Variants in CADPS2 observed in about 807,000 individuals in gnomAD.
CADPS2 encodes the protein calcium dependent secretion activator 2, also known as calcium-dependent secretion activator 2.
A neutral mutation model predicts 172.5 loss-of-function variants in CADPS2; 93 were observed. The observed-to-expected ratio is 0.54, with a 90% confidence interval of 0.46 to 0.64. The LOEUF (loss-of-function observed/expected upper bound fraction) is 0.64, where lower values mean the gene tolerates loss of function less well. CADPS2 is among the 30% of genes least tolerant of loss of function. The pLI is 0.00. For synonymous variants in CADPS2, 546 were observed against 555.2 expected, an observed-to-expected ratio of 0.98 and a Z score of 0.23; for missense variants, 1,420 against 1,565.9, an observed-to-expected ratio of 0.91 and a Z score of 1.57.
chr7:122,723,744 C>T (rs928875609), intron 2 of CADPS2, among the ~76,000 whole-genome samples: 6 of 152,118 alleles, frequency 3.9e-5, no homozygotes, highest in Non-Finnish European at 8.8e-5. Flanking sequence ...TTTATTGTGG[C>T]ACCATTCACA....
chr7:122,615,415 T>G (rs1343917158), intron 5 of CADPS2, 116 bp from the exon 6 acceptor site: 2 of 534,750 alleles, frequency 3.7e-6, no homozygotes, highest in Admixed American at 3.6e-5. Flanking sequence ...AAAATTTGTT[T>G]TTTGTTAACA....
At chr7:122,723,509 A>C (rs2090723634) in intron 2 of CADPS2, among the ~76,000 whole-genome samples, 1 of 152,214 alleles carries the variant, frequency 6.6e-6, no homozygotes, top group African/African-American at 2.4e-5. Flanking sequence ...AATGGCAATC[A>C]TTAAAAAGTC....
At chr7:122,425,011 G>T (rs2048975074) in intron 17 of CADPS2, among the ~76,000 whole-genome samples, 1 of 151,952 alleles carries the variant, frequency 6.6e-6, no homozygotes, top group Non-Finnish European at 1.5e-5. Context: ...ACAGGGTCTT[G>T]CTCTGTCACC....
intron 15 of CADPS2, among the ~76,000 whole-genome samples, chr7:122,447,619 T>C (rs2052457396): frequency 7.1e-6 from 1 of 141,376 alleles, no homozygotes; most frequent in Non-Finnish European, 1.5e-5. Flanking sequence ...AGTCAGGCGA[T>C]CTCGGCTCAC....
chr7:122,654,329 T>C (rs937765044), intron 3 of CADPS2, among the ~76,000 whole-genome samples: 8 of 152,234 alleles, frequency 5.3e-5, no homozygotes, highest in Non-Finnish European at 1.2e-4. Flanking sequence ...AACAGCTTTG[T>C]GTCAGAAGAT....
intron 1 of CADPS2, among the ~76,000 whole-genome samples, chr7:122,782,763 G>A (rs1793073397): frequency 6.6e-6 from 1 of 152,088 alleles, no homozygotes; most frequent in Non-Finnish European, 1.5e-5. Flanking sequence ...TGGATTTTCT[G>A]TTTTAGTCAC....
chr7:122,504,672 T>A (rs56287248), intron 9 of CADPS2, among the ~76,000 whole-genome samples: 41,356 of 151,948 alleles, frequency 0.27, 5,911 homozygotes, highest in East Asian at 0.38. Context: ...TCTCAAGTGA[T>A]CCTCCCACCT....
At chr7:122,324,566 G>A (rs1368871428) in intron 29 of CADPS2, among the ~76,000 whole-genome samples, 2 of 152,104 alleles carry the variant, frequency 1.3e-5, no homozygotes, top group Non-Finnish European at 2.9e-5. Flanking sequence ...GATGATGATA[G>A]TGGTAGGTGA....
intron 25 of CADPS2, among the ~76,000 whole-genome samples, chr7:122,373,118 CTT>C (rs748264145): frequency 2.5e-4 from 38 of 152,146 alleles, no homozygotes; most frequent in Non-Finnish European, 4.1e-4. Flanking sequence ...CTTCATAACT[CTT>C]TTAAAAAAGT....
intron 3 of CADPS2, among the ~76,000 whole-genome samples, chr7:122,653,132 C>T (rs73435768): frequency 1.9e-3 from 296 of 152,248 alleles, no homozygotes; most frequent in African/African-American, 6.5e-3. Flanking sequence ...TCTTGAGTTG[C>T]CAGAGATTGC....
At chr7:122,438,931 G>GA (rs5887090) in intron 16 of CADPS2, among the ~76,000 whole-genome samples, 30 of 146,730 alleles carry the variant, frequency 2.0e-4, no homozygotes, top group African/African-American at 3.0e-4. Flanking sequence ...TTTGAGCTCT[G>GA]AAAAAAAAAA....
Position 122,487,970 on chromosome 7 carries a change from T to A in CADPS2, c.1852+2111A>T, listed in dbSNP as rs116202316. On this transcript the variant is annotated intron_variant, in intron 11 of 29. Coordinates refer to ENST00000449022, the MANE Select transcript of CADPS2 (RefSeq NM_017954.11). ...ATATGACAAAGAATACAAAACCATTTATGAGATTGACGCTAAATGCACACA... is the reference window on the plus strand; with the variant it reads ...ATATGACAAAGAATACAAAACCATTAATGAGATTGACGCTAAATGCACACA... Among the ~76,000 whole-genome samples, 1,518 of 152,278 alleles carry A rather than the reference T, an allele frequency of 1.0e-2. 21 individuals carry two copies. The highest frequency in any genetic ancestry group is 0.035 in the African/African-American group (1,440 of 41,546).
intron 19 of CADPS2, among the ~76,000 whole-genome samples, chr7:122,408,846 T>G (rs2046978802): frequency 6.6e-6 from 1 of 152,224 alleles, no homozygotes; most frequent in Non-Finnish European, 1.5e-5. Flanking sequence ...GTTTCACATT[T>G]ATAGTAAATA....
intron 17 of CADPS2, chr7:122,436,308 T>C (rs1204993250): frequency 1.6e-5 from 18 of 1,130,642 alleles, no homozygotes; most frequent in Non-Finnish European, 2.0e-5. Flanking sequence ...TTTAAAAATA[T>C]CACACCACCA....
At position 122,562,103 on chromosome 7, in the gene CADPS2, T is replaced by C. The variant is rs117695732; in HGVS notation, c.1336-7414A>G. 3.5e-3 allele frequency among the ~76,000 whole-genome samples: 538 copies of C among 152,320 alleles called. 3 individuals are homozygous for C. The highest frequency in any genetic ancestry group is 5.9e-3 in the Non-Finnish European group (404 of 68,026). ...TTACTTAACAGTCTCTCAAAATCTA[T>C]GAAACTTTCATCCTTCCATATCTGG... On this transcript the variant is annotated intron_variant, in intron 7 of 29. Transcript: ENST00000449022.
chr7:122,731,049 C>A (rs1269849615), intron 2 of CADPS2, among the ~76,000 whole-genome samples: 1 of 137,834 alleles, frequency 7.3e-6, no homozygotes, highest in Non-Finnish European at 1.5e-5. Context: ...AGCAGGAAAT[C>A]TGAACAGCAA....
At chr7:122,451,609 A>G in intron 14 of CADPS2, 134 bp from the exon 15 acceptor site, 1 of 476,818 alleles carries the variant, frequency 2.1e-6, no homozygotes, top group Non-Finnish European at 3.6e-6. Flanking sequence ...GTGGAAATTT[A>G]CTGGAAATAT....
chr7:122,620,397 C>T (rs919981654), intron 5 of CADPS2, among the ~76,000 whole-genome samples: 6 of 152,112 alleles, frequency 3.9e-5, no homozygotes, highest in African/African-American at 4.8e-5. Flanking sequence ...TAAGTTCTTT[C>T]TCCTAGGAAC....
intron 15 of CADPS2, among the ~76,000 whole-genome samples, chr7:122,443,970 G>A (rs1362339363): frequency 6.6e-6 from 1 of 152,006 alleles, no homozygotes; most frequent in Non-Finnish European, 1.5e-5. Context: ...TTAACTCATG[G>A]CCTGCAAGTC....
Sources: allele counts gnomAD v4.1 joint callset (sites outside exome capture counted in the v4.1 genomes callset), GRCh38; gene constraint gnomAD v4.1.1; transcripts MANE v1.5; gene names NCBI Gene and HGNC (gene_info 2026-07-23, HGNC 2026-07-21).